PRPF6: variants seen among roughly 807,000 people sequenced by gnomAD.
PRPF6 encodes the protein pre-mRNA-processing factor 6.
Under a neutral mutation model 118.3 loss-of-function variants are expected in PRPF6, and 42 were observed. That is an observed-to-expected ratio of 0.35 (90% CI 0.28 to 0.46). The LOEUF is 0.46. Ranked by LOEUF, PRPF6 falls within the 20% of genes least tolerant of loss-of-function variation. The pLI is 1.00. For missense variants in PRPF6, 662 were observed against 1,255.7 expected (o/e 0.53, Z 7.15); for synonymous variants, 481 against 485.1 (o/e 0.99, Z 0.11).
In PRPF6 at chr20:64,026,719, G is replaced by A. The variant is rs911698404; in HGVS notation, c.2029-263G>A. The stretch of plus-strand genomic sequence containing the variant: ...GGAGGCTGAGGCAGGAGAATGGTGT[G>A]AACCCAGCAGGTGGAGCTTGCAGTG... On this transcript the variant is annotated intron_variant, in intron 15 of 20. Coordinates refer to ENST00000266079, the MANE Select transcript of PRPF6 (RefSeq NM_012469.4). This position sits in a 1 kb window ranked among gnomAD's most constrained non-coding sequence, Gnocchi z 4.4. Among the ~76,000 whole-genome samples the A allele has an allele frequency of 3.9e-5, 6 of 151,910 alleles. No individual in the cohort carries two copies. The highest frequency in any genetic ancestry group is 7.4e-5 in the Non-Finnish European group (5 of 68,006).
intron 9 of PRPF6, among the ~76,000 whole-genome samples, chr20:64,009,714 T>G (rs1395930289): frequency 6.6e-6 from 1 of 152,158 alleles, no homozygotes; most frequent in Non-Finnish European, 1.5e-5. Flanking sequence ...AGAATGAGAC[T>G]CTGTCTCAAA....
intron 12 of PRPF6, among the ~76,000 whole-genome samples, chr20:64,021,350 T>C (rs1463078870): frequency 6.7e-6 from 1 of 150,304 alleles, no homozygotes; most frequent in Non-Finnish European, 1.5e-5. Context: ...TGTCTGTGTG[T>C]GTGTGCGTGT....
intron 14 of PRPF6, among the ~76,000 whole-genome samples, chr20:64,025,284 G>A (rs1051832928): frequency 5.9e-5 from 9 of 152,224 alleles, no homozygotes; most frequent in African/African-American, 1.2e-4. Context: ...TAACTGCAGC[G>A]TCCCCTCCAC....
At chr20:63,998,601 G>A (rs2059151473) in intron 6 of PRPF6, among the ~76,000 whole-genome samples, 1 of 150,664 alleles carries the variant, frequency 6.6e-6, no homozygotes, top group South Asian at 2.1e-4. Context: ...CAGCACTTTG[G>A]GAGGCCGAGG....
At chr20:63,994,153 T>C (rs1329172238) in intron 4 of PRPF6, among the ~76,000 whole-genome samples, 1 of 151,520 alleles carries the variant, frequency 6.6e-6, no homozygotes, top group African/African-American at 2.4e-5. Context: ...TTTTCTTTTC[T>C]TTTTCTTTTT....
chr20:63,998,155 C>T (rs192684049), intron 6 of PRPF6, among the ~76,000 whole-genome samples: 137 of 151,742 alleles, frequency 9.0e-4, no homozygotes, highest in Non-Finnish European at 1.1e-3. Context: ...AGGGCAGTGG[C>T]GTGATCTCGG....
chr20:64,010,156 T>TA (rs751444611), intron 9 of PRPF6, 44 bp from the exon 10 acceptor site: 20 of 1,543,114 alleles, frequency 1.3e-5, no homozygotes, highest in Middle Eastern at 1.7e-4. Context: ...CTCCTGTTTT[T>TA]ATCTCCTTTT....
In PRPF6 at chr20:64,026,366, C is replaced by T. The variant is rs377722173; in HGVS notation, c.2028+308C>T. Among the ~76,000 whole-genome samples, 105 of 151,758 alleles carry T rather than the reference C, an allele frequency of 6.9e-4. No homozygotes were observed. The East Asian group carries it at 0.017, about 25-fold the overall frequency. On this transcript the variant is annotated intron_variant, in intron 15 of 20. Coordinates refer to ENST00000266079, the MANE Select transcript of PRPF6 (RefSeq NM_012469.4). The surrounding 1 kb of genome is among the most constrained non-coding windows in gnomAD (Gnocchi z 4.4). Reference sequence around the variant, plus strand: ...TACTAAAAATACAAAATTAGCCGGGCGTGGTGGTGCGTGCCTGTAATCCCA... The same window carrying T: ...TACTAAAAATACAAAATTAGCCGGGTGTGGTGGTGCGTGCCTGTAATCCCA...
At chr20:64,015,794 T>A (rs528450406) in intron 11 of PRPF6, among the ~76,000 whole-genome samples, 1 of 152,318 alleles carries the variant, frequency 6.6e-6, no homozygotes, top group African/African-American at 2.4e-5. Context: ...ATCTGATACG[T>A]GCACAATGGT....
chr20:64,011,640 G>T lies in PRPF6; in HGVS notation c.1524+137G>T. On this transcript the variant is annotated intron_variant, in intron 11 of 20. Coordinates refer to ENST00000266079, the MANE Select transcript of PRPF6 (RefSeq NM_012469.4). The surrounding 1 kb of genome is among the most constrained non-coding windows in gnomAD (Gnocchi z 6.7). ...ACCAGAAGCAGGCACAGGTGTGAAT[G>T]GGCCCTGAGGGACCTGGGCATGCCC... is the stretch of plus-strand genomic sequence containing the variant. 1 of 972,662 alleles carries T rather than the reference G, an allele frequency of 1.0e-6. No individual in the cohort carries two copies. 60.3% of individuals were successfully genotyped at this position (972,662 alleles called of 1,614,324 possible).
intron 3 of PRPF6, 147 bp from the exon 4 acceptor site, chr20:63,993,260 G>GTGTATA (rs1156815595): frequency 5.6e-5 from 22 of 389,670 alleles, no homozygotes; most frequent in Non-Finnish European, 9.6e-5. Context: ...GTGTGTGTGT[G>GTGTATA]TGTATATGTA....
At chr20:64,015,883 T>G (rs1365311868) in intron 11 of PRPF6, among the ~76,000 whole-genome samples, 1 of 152,070 alleles carries the variant, frequency 6.6e-6, no homozygotes, top group Non-Finnish European at 1.5e-5. Flanking sequence ...TCCCAGCACT[T>G]TGGGAGGCTA....
chr20:64,005,848 TC>T lies in PRPF6; in HGVS notation c.1187-4351del, dbSNP rs535956919. Among the ~76,000 whole-genome samples, 40 of 152,142 alleles carry T rather than the reference TC, an allele frequency of 2.6e-4. No individual in the cohort carries two copies. In the East Asian group the frequency reaches 7.8e-3, roughly 30 times the overall value. ...CTCCCAGACTCAAACTATCCTCCAG[TC>T]TCAGCTTCCTGAATAGCTGGGACTC... On this transcript the variant is annotated intron_variant, in intron 9 of 20. Coordinates refer to ENST00000266079, the MANE Select transcript of PRPF6 (RefSeq NM_012469.4).
At chr20:64,020,427 C>T (rs1418520855) in intron 12 of PRPF6, among the ~76,000 whole-genome samples, 2 of 151,952 alleles carry the variant, frequency 1.3e-5, no homozygotes, top group Non-Finnish European at 2.9e-5. Context: ...AAAAAAAAAT[C>T]CTTTCAGCAT....
intron 11 of PRPF6, among the ~76,000 whole-genome samples, chr20:64,013,419 C>G (rs981796288): frequency 6.6e-6 from 1 of 150,462 alleles, no homozygotes; most frequent in African/African-American, 2.4e-5. Context: ...GTCTTTCTTT[C>G]CTTCCTTCCT....
chr20:63,990,346 A>C (rs1312586436), intron 3 of PRPF6, among the ~76,000 whole-genome samples: 1 of 152,228 alleles, frequency 6.6e-6, no homozygotes, highest in African/African-American at 2.4e-5. Context: ...TTGGCCTCCC[A>C]GAGTGCTGGG....
At chr20:63,993,515 G>C (rs765414174) in intron 4 of PRPF6, 30 bp downstream of exon 4, 2 of 1,565,604 alleles carry the variant, frequency 1.3e-6, no homozygotes, top group South Asian at 2.2e-5. Flanking sequence ...AATGGTGTGC[G>C]GTTTCTAACG....
chr20:64,014,228 C>G (rs542244845), intron 11 of PRPF6, among the ~76,000 whole-genome samples: 1 of 152,264 alleles, frequency 6.6e-6, no homozygotes, highest in Admixed American at 6.5e-5. Flanking sequence ...GCGTGAGCCA[C>G]CGTGCCTGTC....
chr20:63,985,797 A>C (rs1459245972), intron 3 of PRPF6, among the ~76,000 whole-genome samples: 1 of 152,242 alleles, frequency 6.6e-6, no homozygotes, highest in Non-Finnish European at 1.5e-5. Context: ...TCAGGATCTG[A>C]TTGCTTCATT....
Sources: gnomAD v4.1 joint callset for allele counts (sites outside exome capture counted in the v4.1 genomes callset) on GRCh38, gnomAD v4.1.1 for gene constraint, Gnocchi (gnomAD v3.1) non-coding constraint, MANE v1.5 for transcripts, NCBI Gene and HGNC (gene_info 2026-07-23, HGNC 2026-07-21) for gene names.